Variants in PCCB observed in about 807,000 individuals in gnomAD.
PCCB encodes the protein propionyl-CoA carboxylase beta chain, mitochondrial.
In PCCB, 43 loss-of-function variants were observed where a neutral mutation model predicts 60.7. That is an observed-to-expected ratio of 0.71 (90% CI 0.55 to 0.91). PCCB has a LOEUF of 0.91. PCCB is among the 40% of genes least tolerant of loss of function. PCCB has a pLI of 0.00. For missense variants in PCCB, 766 were observed against 702.8 expected (o/e 1.09, Z -1.02); for synonymous variants, 276 against 255.9 (o/e 1.08, Z -0.75).
At chr3:136,284,963 C>G (rs1164295701) in intron 6 of PCCB, among the ~76,000 whole-genome samples, 1 of 151,894 alleles carries the variant, frequency 6.6e-6, no homozygotes, top group Non-Finnish European at 1.5e-5. Flanking sequence ...TGGTGCATAC[C>G]TGTGGTCCCA....
chr3:136,261,564 A>G (rs1418279145), intron 4 of PCCB, among the ~76,000 whole-genome samples: 1 of 142,552 alleles, frequency 7.0e-6, no homozygotes, highest in Admixed American at 6.8e-5. Flanking sequence ...AGATGGGTCA[A>G]CATCTGCTTT....
In PCCB at chr3:136,312,700, T is replaced by A. The variant is rs976000259; in HGVS notation, c.967-4241T>A. ...TTCCTCTGAAACCTTAGGGGAAGGT[T>A]TAGAAATGCTTTTGAACTGTAACTC... On this transcript the variant is annotated intron_variant, in intron 9 of 14. Transcript: ENST00000251654. Among the ~76,000 whole-genome samples, 7 of 152,264 alleles carry A rather than the reference T, an allele frequency of 4.6e-5. 1 individual carries two copies. Among genetic ancestry groups the A allele is most frequent in the Non-Finnish European group, 8.8e-5 (6 of 68,008 alleles).
intron 8 of PCCB, among the ~76,000 whole-genome samples, chr3:136,300,302 C>A (rs527812037): frequency 2.6e-5 from 4 of 152,234 alleles, no homozygotes; most frequent in African/African-American, 9.6e-5. Flanking sequence ...GACCCAAGGC[C>A]AAACCTCAGC....
chr3:136,322,960 A>G (rs1935159154), intron 10 of PCCB, among the ~76,000 whole-genome samples: 1 of 148,328 alleles, frequency 6.7e-6, no homozygotes, highest in African/African-American at 2.5e-5. Context: ...CTGAGAAATC[A>G]CTGGATAATC....
At chr3:136,304,392 T>A (rs1481334681) in intron 9 of PCCB, among the ~76,000 whole-genome samples, 2 of 118,292 alleles carry the variant, frequency 1.7e-5, no homozygotes, top group African/African-American at 5.1e-5. Flanking sequence ...ATTTATTTAT[T>A]TTTTTTTGAG....
At chr3:136,260,132 G>A (rs1941780423) in intron 3 of PCCB, 1 of 396,500 alleles carries the variant, frequency 2.5e-6, no homozygotes, top group Non-Finnish European at 4.8e-6. Flanking sequence ...GGAATACAGT[G>A]GTGCTGTCTC....
chr3:136,253,082 G>GTT (rs59099393), intron 1 of PCCB, among the ~76,000 whole-genome samples: 27,505 of 70,376 alleles, frequency 0.39, 6,249 homozygotes, highest in East Asian at 0.66. Flanking sequence ...AGCAATGGAG[G>GTT]TTTTTTTTTT....
chr3:136,307,483 A>G (rs1043689031), intron 9 of PCCB, among the ~76,000 whole-genome samples: 2 of 152,196 alleles, frequency 1.3e-5, no homozygotes, highest in African/African-American at 4.8e-5. Context: ...TTAAAAACAA[A>G]CTAGTTAATA....
chr3:136,269,811 G>A (rs990607309), intron 5 of PCCB, among the ~76,000 whole-genome samples: 2 of 151,308 alleles, frequency 1.3e-5, no homozygotes, highest in African/African-American at 2.4e-5. Flanking sequence ...CCGTGAACCC[G>A]GGAGGCGGAG....
chr3:136,268,120 A>ATATATATATG (rs1942082848), intron 5 of PCCB, among the ~76,000 whole-genome samples: 1 of 124,092 alleles, frequency 8.1e-6, no homozygotes, highest in African/African-American at 3.4e-5. Context: ...ATATATATAT[A>ATATATATATG]TGTATATATA....
intron 9 of PCCB, among the ~76,000 whole-genome samples, chr3:136,315,797 C>T (rs1934867026): frequency 6.6e-6 from 1 of 151,692 alleles, no homozygotes; most frequent in South Asian, 2.1e-4. Context: ...TTCTGCACTC[C>T]AGCCTGGGTC....
At position 136,261,664 on chromosome 3, in the gene PCCB, C is replaced by T. The variant is rs964223008; in HGVS notation, c.430-288C>T. Among the ~76,000 whole-genome samples the T allele has an allele frequency of 6.6e-5, 10 of 152,308 alleles. No homozygotes were observed. In the South Asian group the frequency reaches 1.0e-3, roughly 16 times the overall value. ...AACTGGCTGCTGGAAGACGTTACAA[C>T]GTGAGCCTGTGGTTCTAGAAATGGT... On this transcript the variant is annotated intron_variant, in intron 4 of 14. Transcript: ENST00000251654.
At chr3:136,295,371 C>T (rs1933883829) in intron 7 of PCCB, among the ~76,000 whole-genome samples, 2 of 152,164 alleles carry the variant, frequency 1.3e-5, no homozygotes, top group Non-Finnish European at 2.9e-5. Context: ...TCTTGATCCC[C>T]CACCCACAAA....
chr3:136,292,250 T>A (rs1933727790), intron 6 of PCCB, among the ~76,000 whole-genome samples: 2 of 151,778 alleles, frequency 1.3e-5, no homozygotes, highest in South Asian at 4.2e-4. Context: ...TTTTTTTTTT[T>A]AACAGTTTCA....
chr3:136,296,605 C>T (rs902292112), intron 7 of PCCB, among the ~76,000 whole-genome samples: 2 of 152,088 alleles, frequency 1.3e-5, no homozygotes, highest in African/African-American at 4.8e-5. Context: ...CATATGTTTT[C>T]ATTTCTCTTT....
intron 9 of PCCB, among the ~76,000 whole-genome samples, chr3:136,305,599 A>G (rs1447319134): frequency 8.6e-6 from 1 of 116,516 alleles, no homozygotes; most frequent in African/African-American, 2.6e-5. Flanking sequence ...AAATACAAAA[A>G]TTAGCCGGGT....
At chr3:136,266,767 G>A (rs1316020467) in intron 5 of PCCB, among the ~76,000 whole-genome samples, 1 of 152,138 alleles carries the variant, frequency 6.6e-6, no homozygotes. Context: ...GGGTTTTTGA[G>A]TTGTAAGAGT....
intron 5 of PCCB, among the ~76,000 whole-genome samples, chr3:136,282,243 A>G (rs891816902): frequency 1.2e-4 from 19 of 152,156 alleles, no homozygotes; most frequent in African/African-American, 4.6e-4. Flanking sequence ...GTTTACTGAA[A>G]TTTACTTGCT....
At chr3:136,321,823 G>C (rs1013095446) in intron 10 of PCCB, among the ~76,000 whole-genome samples, 1 of 152,204 alleles carries the variant, frequency 6.6e-6, no homozygotes, top group African/African-American at 2.4e-5. Flanking sequence ...ATTGATTTTT[G>C]TATATTAGCC....
Sources: allele counts gnomAD v4.1 joint callset (sites outside exome capture counted in the v4.1 genomes callset), GRCh38; gene constraint gnomAD v4.1.1; transcripts MANE v1.5; gene names NCBI Gene and HGNC (gene_info 2026-07-23, HGNC 2026-07-21).